Variants in TRPS1 observed in about 807,000 individuals in gnomAD.
The protein encoded by TRPS1 is zinc finger transcription factor Trps1.
A neutral mutation model predicts 101.2 loss-of-function variants in TRPS1; 6 were observed. That is an observed-to-expected ratio of 0.06 (90% confidence interval 0.03 to 0.12). TRPS1 has a LOEUF of 0.12. Among genes scored for constraint, TRPS1 ranks in the 10% least tolerant of loss-of-function variants. The probability of loss-of-function intolerance (pLI) is 1.00; values close to 1 mark genes in which losing one functional copy is unlikely to be tolerated. For missense variants in TRPS1, 1,363 were observed against 1,567.0 expected, an observed-to-expected ratio of 0.87 and a Z score of 2.20; for synonymous variants, 578 against 589.8, an observed-to-expected ratio of 0.98 and a Z score of 0.29.
chr8:115,514,306 C>T (rs1815656171), intron 5 of TRPS1, among the ~76,000 whole-genome samples: 1 of 151,680 alleles, frequency 6.6e-6, no homozygotes, highest in Non-Finnish European at 1.5e-5. Flanking sequence ...GTCAGTGTAA[C>T]ACAATAATGA....
rs544481804 is a variant in TRPS1, at chr8:115,565,209, T to C, written c.2700+21792A>G. On this transcript the variant is annotated intron_variant, in intron 5 of 6. Transcript: ENST00000395715. ...AACGATGTGGACTGTTTGCTGAAAG[T>C]AGTGCTGACAGCTACAGGTGTTTTT... Among the ~76,000 whole-genome samples, 159 of 152,270 alleles carry C rather than the reference T, an allele frequency of 1.0e-3. 1 individual carries two copies. Among genetic ancestry groups the C allele is most frequent in the Middle Eastern group, 6.8e-3 (2 of 294 alleles).
chr8:115,657,078 A>C (rs1265989870), intron 1 of TRPS1, among the ~76,000 whole-genome samples: 1 of 152,182 alleles, frequency 6.6e-6, no homozygotes, highest in Non-Finnish European at 1.5e-5. Flanking sequence ...TTAAAGACAA[A>C]AATTCAAGTT....
intron 5 of TRPS1, among the ~76,000 whole-genome samples, chr8:115,546,581 GACACACACAC>G (rs71287285): frequency 4.7e-5 from 7 of 147,808 alleles, no homozygotes; most frequent in African/African-American, 1.7e-4. Flanking sequence ...TGTAAAATGT[GACACACACAC>G]ACACACACAC....
Position 115,604,699 on chromosome 8 carries a change from C to T in TRPS1, c.1270G>A (p.Val424Ile). 2 of 1,613,952 alleles carry T rather than the reference C, an allele frequency of 1.2e-6. No individual in the cohort carries two copies. The highest frequency in any genetic ancestry group is 1.7e-6 in the Non-Finnish European group (2 of 1,179,934). ...ITVKAGDDTP[V>I]GYSVPIKPLD... ...GGCTTTATGGGCACTGAGTACCCAA[C>T]AGGAGTGTCATCTCCTGCTTTGACT... The change falls in exon 4 of 7, where the codon GTT becomes ATT. Residue 424 changes from valine (V) to isoleucine (I), a missense_variant. Coordinates refer to ENST00000395715, the MANE Select transcript of TRPS1 (RefSeq NM_014112.5). The surrounding 1 kb of genome is among the most constrained non-coding windows in gnomAD (Gnocchi z 4.1).
chr8:115,446,218 T>C (rs1044022088), intron 5 of TRPS1, among the ~76,000 whole-genome samples: 2 of 152,002 alleles, frequency 1.3e-5, no homozygotes, highest in African/African-American at 4.8e-5. Flanking sequence ...CAGATAAGTG[T>C]TTTCAAGCTT....
chr8:115,558,106 G>T (rs1407224687), intron 5 of TRPS1, among the ~76,000 whole-genome samples: 1 of 150,968 alleles, frequency 6.6e-6, no homozygotes, highest in Admixed American at 6.6e-5. Context: ...AAAAAAAAAG[G>T]CTTTGCATTT....
chr8:115,503,705 T>C (rs1200721374), intron 5 of TRPS1, among the ~76,000 whole-genome samples: 1 of 152,208 alleles, frequency 6.6e-6, no homozygotes, highest in African/African-American at 2.4e-5. Flanking sequence ...GACAGCAACA[T>C]GTATTCATGT....
At chr8:115,565,508 T>C (rs1817048055) in intron 5 of TRPS1, among the ~76,000 whole-genome samples, 1 of 151,314 alleles carries the variant, frequency 6.6e-6, no homozygotes, top group African/African-American at 2.4e-5. Flanking sequence ...GTTTTCTTTA[T>C]TACTAAACAT....
At chr8:115,512,080 A>C (rs559664394) in intron 5 of TRPS1, among the ~76,000 whole-genome samples, 22 of 151,816 alleles carry the variant, frequency 1.4e-4, no homozygotes, top group Non-Finnish European at 2.9e-4. Context: ...GCTGTCACTA[A>C]GGGTGTGTAA....
chr8:115,531,860 T>G (rs1490493777), intron 5 of TRPS1, among the ~76,000 whole-genome samples: 1 of 152,022 alleles, frequency 6.6e-6, no homozygotes, highest in Non-Finnish European at 1.5e-5. Context: ...AGACGTCTGA[T>G]GGAGGCGGGT....
chr8:115,586,965 A>T (rs767310114), intron 5 of TRPS1, 36 bp downstream of exon 5: 11 of 1,612,838 alleles, frequency 6.8e-6, no homozygotes, highest in South Asian at 3.3e-5. Flanking sequence ...TTGCCCTTCA[A>T]AACAAATGAA....
chr8:115,568,304 C>T (rs1444371032), intron 5 of TRPS1, among the ~76,000 whole-genome samples: 1 of 152,006 alleles, frequency 6.6e-6, no homozygotes, highest in Non-Finnish European at 1.5e-5. Context: ...ATATATAATT[C>T]AGATATTTTA....
chr8:115,410,341 T>C lies in TRPS1; in HGVS notation c.*3682A>G, dbSNP rs772236463. The C allele has an allele frequency of 2.0e-5, 3 of 152,514 alleles. No homozygotes were observed. The highest frequency in any genetic ancestry group is 4.4e-5 in the Non-Finnish European group (3 of 68,000). 9.4% of individuals were successfully genotyped at this position (152,514 alleles called of 1,614,324 possible). ...ATAAACATAATGTGCTACCACAGGC[T>C]TCAACAAAGAGCTGTTAAAGATACT... is the stretch of plus-strand genomic sequence containing the variant. On this transcript the variant is annotated 3_prime_UTR_variant, in exon 7 of 7. Transcript: ENST00000395715.
At chr8:115,562,557 G>C (rs2130371873) in intron 5 of TRPS1, among the ~76,000 whole-genome samples, 1 of 149,600 alleles carries the variant, frequency 6.7e-6, no homozygotes, top group South Asian at 2.1e-4. Context: ...GTTTATATAA[G>C]GGGAAAAAAT....
At chr8:115,563,105 T>C (rs1464887109) in intron 5 of TRPS1, among the ~76,000 whole-genome samples, 1 of 152,050 alleles carries the variant, frequency 6.6e-6, no homozygotes, top group Non-Finnish European at 1.5e-5. Context: ...TGACACACTC[T>C]ACCCACTAGC....
In TRPS1 at chr8:115,668,914, G is replaced by A. The variant is rs1481973866; in HGVS notation, c.-491C>T. 1 of 151,748 alleles carries A rather than the reference G, an allele frequency of 6.6e-6. No individual in the cohort carries two copies. Among genetic ancestry groups the A allele is most frequent in the Non-Finnish European group, 1.5e-5 (1 of 67,934 alleles). The allele number at this position is 151,748 out of a possible 1,614,324, so 9.4% of individuals were successfully genotyped here. A position where few individuals can be genotyped will look rare whatever the true frequency, so the allele number is the denominator to read the frequency against. On this transcript the variant is annotated 5_prime_UTR_variant, in exon 1 of 7. Transcript: ENST00000395715. ...AAAAAAGAGGACGCTAGAGATTGCA[G>A]TAAGATCGGGTCTTTATCAGAAATG...
At chr8:115,526,561 A>C (rs1816004493) in intron 5 of TRPS1, among the ~76,000 whole-genome samples, 1 of 152,206 alleles carries the variant, frequency 6.6e-6, no homozygotes, top group African/African-American at 2.4e-5. Flanking sequence ...AAAGGGACTC[A>C]ATTCTGAAAG....
chr8:115,531,548 G>A (rs1433818138), intron 5 of TRPS1, among the ~76,000 whole-genome samples: 1 of 152,090 alleles, frequency 6.6e-6, no homozygotes, highest in Non-Finnish European at 1.5e-5. Context: ...TAGAAAGGAA[G>A]ACTGAAATCA....
intron 1 of TRPS1, among the ~76,000 whole-genome samples, chr8:115,629,636 A>G (rs1818595493): frequency 6.6e-6 from 1 of 151,926 alleles, no homozygotes; most frequent in South Asian, 2.1e-4. Context: ...TTATCTGACT[A>G]AAATTGAGCC....
Sources: allele counts gnomAD v4.1 joint callset (sites outside exome capture counted in the v4.1 genomes callset), GRCh38; gene constraint gnomAD v4.1.1; non-coding constraint Gnocchi (gnomAD v3.1); transcripts MANE v1.5; gene names NCBI Gene and HGNC (gene_info 2026-07-23, HGNC 2026-07-21).